The following ADGRV1 variants were observed in gnomAD, a reference collection of about 807,000 sequenced individuals.
The protein encoded by ADGRV1 is adhesion G protein-coupled receptor V1.
ADGRV1 carries 359 observed loss-of-function variants against 596.2 expected under a neutral mutation model. That is an observed-to-expected ratio of 0.60 (90% CI 0.55 to 0.66). The LOEUF (loss-of-function observed/expected upper bound fraction) is 0.66. ADGRV1 is among the 30% of genes least tolerant of loss of function. The probability of loss-of-function intolerance (pLI) is 0.00; values close to 1 mark genes in which losing one functional copy is unlikely to be tolerated. For missense variants in ADGRV1, 7,274 were observed against 7,575.6 expected, an observed-to-expected ratio of 0.96 and a Z score of 1.48; for synonymous variants, 2,681 against 2,679.2, an observed-to-expected ratio of 1.00 and a Z score of -0.02.
intron 85 of ADGRV1, among the ~76,000 whole-genome samples, chr5:91,047,878 TAGAA>T (rs1381589787): frequency 1.3e-5 from 2 of 152,184 alleles, no homozygotes; most frequent in African/African-American, 2.4e-5. Context: ...TCTTTGGAAA[TAGAA>T]AGCCTTGTGA....
intron 50 of ADGRV1, 84 bp from the exon 51 acceptor site, chr5:90,744,962 G>A: frequency 1.1e-6 from 1 of 886,342 alleles, no homozygotes; most frequent in South Asian, 1.6e-5. Context: ...GATTTTGGAA[G>A]ATTTTGCTTT....
chr5:90,894,576 C>T (rs1318021467), intron 83 of ADGRV1, among the ~76,000 whole-genome samples: 3 of 152,188 alleles, frequency 2.0e-5, no homozygotes, highest in Admixed American at 6.5e-5. Context: ...CTTTATTTAG[C>T]GATATTTCAG....
intron 87 of ADGRV1, among the ~76,000 whole-genome samples, chr5:91,119,741 G>C (rs191099319): frequency 6.6e-6 from 1 of 152,266 alleles, no homozygotes; most frequent in African/African-American, 2.4e-5. Context: ...CTTCTCCTTT[G>C]GCCCTCAAAA....
rs544132522 is a variant in ADGRV1, at chr5:90,574,155, T to A, written c.22+15238T>A. On this transcript the variant is annotated intron_variant, in intron 1 of 89. Coordinates refer to ENST00000405460, the MANE Select transcript of ADGRV1 (RefSeq NM_032119.4). Reference sequence around the variant, plus strand: ...ATTGAGGCTCTTTTTCGGTTCCATGTTAATTTCAGAATAGTTTTTTTTTTT... The same window carrying A: ...ATTGAGGCTCTTTTTCGGTTCCATGATAATTTCAGAATAGTTTTTTTTTTT... Among the ~76,000 whole-genome samples, 3 of 151,100 alleles carry A rather than the reference T, an allele frequency of 2.0e-5. No individual in the cohort carries two copies. The South Asian group carries it at 6.2e-4, about 31-fold the overall frequency.
intron 3 of ADGRV1, 38 bp downstream of exon 3, chr5:90,617,991 GGAC>G: frequency 6.8e-7 from 1 of 1,466,626 alleles, no homozygotes; most frequent in Non-Finnish European, 9.2e-7. Context: ...ATTATAAGGA[GGAC>G]TTATAAAACT....
chr5:91,097,130 T>C (rs1790944461), intron 86 of ADGRV1, among the ~76,000 whole-genome samples: 1 of 152,220 alleles, frequency 6.6e-6, no homozygotes, highest in African/African-American at 2.4e-5. Flanking sequence ...CAAAAATGTA[T>C]TTCTTACAGT....
Position 90,840,606 on chromosome 5 carries a change from G to T in ADGRV1, c.16640G>T (p.Arg5547Leu), listed in dbSNP as rs200907244. 6.2e-7 allele frequency: 1 copy of T among 1,610,546 alleles called. No individual in the cohort carries two copies. ...QELRSAETIGRTIISPAISGK... is the reference protein window; with the variant it reads ...QELRSAETIGLTIISPAISGK... ...TTGAGGAGTGCTGAAACAATTGGTC[G>T]TACCATCATATCTCCAGCTATTTCT... The change falls in exon 78 of 90, where the codon CGT (arginine) becomes CTT (leucine). Residue 5547 changes from arginine to leucine, a missense_variant. By Grantham distance (102) the Arg-to-Leu change is moderately radical. This residue lies in a region of ADGRV1 where 1,874 missense variants were observed against 1,970.2 expected (regional missense o/e 0.95). Coordinates refer to ENST00000405460, the MANE Select transcript of ADGRV1 (RefSeq NM_032119.4).
At chr5:91,138,727 G>A (rs1356158197) in intron 87 of ADGRV1, among the ~76,000 whole-genome samples, 1 of 151,432 alleles carries the variant, frequency 6.6e-6, no homozygotes, top group African/African-American at 2.4e-5. Flanking sequence ...TTATCTGCTA[G>A]TGAGACTTCC....
chr5:91,034,412 G>T (rs1784710109), intron 85 of ADGRV1, among the ~76,000 whole-genome samples: 1 of 152,146 alleles, frequency 6.6e-6, no homozygotes, highest in African/African-American at 2.4e-5. Context: ...ATATGTCATG[G>T]TAGATTATTA....
rs376062087 is a variant in ADGRV1, at chr5:90,840,746, C to A, written c.16780C>A (p.Arg5594Ser). The A allele has an allele frequency of 6.2e-7, 1 of 1,613,978 alleles. No homozygotes were observed. The highest frequency in any genetic ancestry group is 8.5e-7 in the Non-Finnish European group (1 of 1,179,878). ...AGGATCTTTAAATTCATTTCCTAAA[C>A]GCTTCCAGATTGTCCTTTTTGACCC... ...ETGSLNSFPK[R>S]FQIVLFDPKG... Residue 5594 changes from arginine (R) to serine (S), a missense_variant, in exon 78 of 90, where the codon CGC (arginine) becomes AGC (serine). Transcript: ENST00000405460.
In ADGRV1 at chr5:90,848,637, A is replaced by C. The variant is rs1390538254; in HGVS notation, c.17020A>C (p.Ile5674Leu). Residue 5674 changes from isoleucine (I) to leucine (L), a missense_variant and splice_region_variant, in exon 79 of 90, where the codon ATA becomes CTA. Coordinates refer to ENST00000405460, the MANE Select transcript of ADGRV1 (RefSeq NM_032119.4). ...LSAMMHLIEK[I>L]TTEGKIQAFS... is the part of the protein sequence containing the mutation. ...TTTTATACTTAGATTCTTTTTCCAG[A>C]TAACTACTGAAGGAAAAATTCAAGC... The C allele has an allele frequency of 6.9e-7, 1 of 1,456,138 alleles. No homozygotes were observed. The highest frequency in any genetic ancestry group is 1.6e-5 in the South Asian group (1 of 63,394). The allele number at this position is 1,456,138 out of a possible 1,614,324, so 90.2% of individuals were successfully genotyped here.
chr5:90,753,579 A>C lies in ADGRV1; in HGVS notation c.11127A>C (p.Leu3709Phe), dbSNP rs372085727. 6.9e-6 allele frequency: 11 copies of C among 1,592,776 alleles called. No homozygotes were observed. The highest frequency in any genetic ancestry group is 9.5e-6 in the Non-Finnish European group (11 of 1,162,982). ...SDIFPTSGVI[L>F]FTEGQVLSTI... The stretch of plus-strand genomic sequence containing the variant: ...TTCTTTCTTTAAAATTCTAGATTTT[A>C]TTTACTGAAGGCCAGGTACTGTCAA... Residue 3709 changes from leucine (L) to phenylalanine (F), a missense_variant, in exon 54 of 90, where the codon TTA becomes TTC. Physicochemically the swap from Leu to Phe is conservative, Grantham distance 22. Transcript: ENST00000405460.
chr5:90,959,226 TA>T (rs774212987), intron 83 of ADGRV1, among the ~76,000 whole-genome samples: 3 of 151,952 alleles, frequency 2.0e-5, no homozygotes, highest in Non-Finnish European at 4.4e-5. Flanking sequence ...TAAAATTTAA[TA>T]AAAATATCAA....
Position 90,697,002 on chromosome 5 carries a change from A to C in ADGRV1, c.8011A>C (p.Ile2671Leu). 1.2e-6 allele frequency: 2 copies of C among 1,613,248 alleles called. No individual in the cohort carries two copies. The highest frequency in any genetic ancestry group is 1.7e-6 in the Non-Finnish European group (2 of 1,179,394). Reference sequence around the variant, plus strand: ...CTCTGAACCAGAGGATGACGAAAGTATCATAGTTAGTTTGGTGTACACTGA... The same window carrying C: ...CTCTGAACCAGAGGATGACGAAAGTCTCATAGTTAGTTTGGTGTACACTGA... ...DDSEPEDDES[I>L]IVSLVYTEGG... is the part of the protein sequence containing the mutation. Residue 2671 changes from isoleucine (I) to leucine (L), a missense_variant, in exon 34 of 90, where the codon ATC becomes CTC. Ile to Leu is a conservative substitution (Grantham distance 5, BLOSUM62 2). Transcript: ENST00000405460.
chr5:90,637,198 A>C (rs1766326221), intron 10 of ADGRV1, among the ~76,000 whole-genome samples: 1 of 152,188 alleles, frequency 6.6e-6, no homozygotes, highest in Non-Finnish European at 1.5e-5. Flanking sequence ...CAGAGTCATG[A>C]TAAAAATATC....
intron 83 of ADGRV1, among the ~76,000 whole-genome samples, chr5:90,909,681 G>T (rs1049079024): frequency 3.9e-5 from 6 of 152,174 alleles, no homozygotes; most frequent in African/African-American, 1.4e-4. Flanking sequence ...GGAAAGATTT[G>T]CAAGAAAGGT....
rs1940860325 is a variant in ADGRV1, at chr5:90,778,044, G to A, written c.12666+1G>A. The A allele has an allele frequency of 1.3e-6, 2 of 1,559,436 alleles. No homozygotes were observed. Among genetic ancestry groups the A allele is most frequent in the Non-Finnish European group, 1.7e-6 (2 of 1,150,346 alleles). On this transcript the variant is annotated splice_donor_variant, in intron 62 of 89. Coordinates refer to ENST00000405460, the MANE Select transcript of ADGRV1 (RefSeq NM_032119.4). LOFTEE classifies it high-confidence loss of function. ...GTCTGCAGTCATTGTAGTAATACAGGTATCAATATTAGCTGGTTTCTTTTA... is the reference window on the plus strand; with the variant it reads ...GTCTGCAGTCATTGTAGTAATACAGATATCAATATTAGCTGGTTTCTTTTA...
At chr5:90,958,841 A>G (rs1193273094) in intron 83 of ADGRV1, among the ~76,000 whole-genome samples, 1 of 152,200 alleles carries the variant, frequency 6.6e-6, no homozygotes, top group Non-Finnish European at 1.5e-5. Flanking sequence ...GGACTTCAAC[A>G]TGTGAATTTG....
chr5:90,627,848 G>T, intron 7 of ADGRV1, 72 bp downstream of exon 7: 2 of 870,478 alleles, frequency 2.3e-6, no homozygotes, highest in Non-Finnish European at 1.6e-6. Flanking sequence ...TTGTGGTGTT[G>T]GACACAACAA....
Sources: allele counts gnomAD v4.1 joint callset (sites outside exome capture counted in the v4.1 genomes callset), GRCh38; gene constraint gnomAD v4.1.1; regional missense constraint gnomAD v4.1.1; transcripts MANE v1.5; gene names NCBI Gene and HGNC (gene_info 2026-07-23, HGNC 2026-07-21).